RBFOX1: variants seen among roughly 807,000 people sequenced by gnomAD.
RBFOX1 encodes RNA binding fox-1 homolog 1, also known as RNA binding protein fox-1 homolog 1.
A neutral mutation model predicts 57.7 loss-of-function variants in RBFOX1; 8 were observed. The observed-to-expected ratio is 0.14, with a 90% CI of 0.08 to 0.25. The LOEUF (loss-of-function observed/expected upper bound fraction) is 0.25, where lower values mean the gene tolerates loss of function less well. RBFOX1 is among the 10% of genes least tolerant of loss of function. RBFOX1 has a pLI of 1.00. For missense variants in RBFOX1, 611 were observed against 548.5 expected (o/e 1.11, Z -1.14); for synonymous variants, 326 against 222.4 (o/e 1.47, Z -4.15).
intron 3 of RBFOX1, among the ~76,000 whole-genome samples, chr16:6,658,503 G>A (rs950580577): frequency 2.6e-5 from 4 of 152,022 alleles, no homozygotes; most frequent in Admixed American, 6.6e-5. Flanking sequence ...CACCACACCC[G>A]GCCGAGAGCC....
intron 1 of RBFOX1, among the ~76,000 whole-genome samples, chr16:5,292,401 AT>A (rs1450158211): frequency 5.9e-5 from 9 of 152,120 alleles, no homozygotes; most frequent in South Asian, 2.1e-4. Context: ...TTCATTGCTG[AT>A]TTTTTTCAGT....
chr16:6,330,457 G>A (rs1305454457), intron 2 of RBFOX1, among the ~76,000 whole-genome samples: 2 of 152,182 alleles, frequency 1.3e-5, no homozygotes, highest in East Asian at 3.9e-4. Context: ...GCTTTGAAAA[G>A]GGATATGGTG....
At chr16:6,295,239 T>C (rs1054743416) in intron 1 of RBFOX1, among the ~76,000 whole-genome samples, 3 of 151,856 alleles carry the variant, frequency 2.0e-5, no homozygotes, top group Admixed American at 1.3e-4. Flanking sequence ...TTGTCGTGCC[T>C]CAGCCTCCCA....
intron 6 of RBFOX1, among the ~76,000 whole-genome samples, chr16:7,585,353 C>T (rs2094047936): frequency 6.6e-6 from 1 of 152,162 alleles, no homozygotes; most frequent in Non-Finnish European, 1.5e-5. Flanking sequence ...AAGGAATATT[C>T]TCTTGACCAA....
At chr16:7,106,887 C>G (rs1260163110) in intron 4 of RBFOX1, among the ~76,000 whole-genome samples, 2 of 151,972 alleles carry the variant, frequency 1.3e-5, no homozygotes, top group Non-Finnish European at 1.5e-5. Context: ...TTATCATGCA[C>G]CAGACACTAT....
At chr16:6,720,693 C>G (rs1603459468) in intron 3 of RBFOX1, among the ~76,000 whole-genome samples, 1 of 152,052 alleles carries the variant, frequency 6.6e-6, no homozygotes, top group African/African-American at 2.4e-5. Flanking sequence ...GCTAGAGAGA[C>G]CAGGGTGGTG....
At chr16:7,196,444 C>G (rs112165151) in intron 4 of RBFOX1, among the ~76,000 whole-genome samples, 10 of 152,304 alleles carry the variant, frequency 6.6e-5, no homozygotes, top group African/African-American at 2.4e-4. Context: ...CAGACCATTG[C>G]CAACACTGAT....
chr16:6,238,628 C>G (rs1174992598), intron 1 of RBFOX1, among the ~76,000 whole-genome samples: 1 of 152,186 alleles, frequency 6.6e-6, no homozygotes, highest in African/African-American at 2.4e-5. Flanking sequence ...TAAAAACTAT[C>G]AAAATTTGGC....
rs569646698 is a variant in RBFOX1, at chr16:6,299,740, C to T, written c.-126-17255C>T. 1.3e-3 allele frequency among the ~76,000 whole-genome samples: 203 copies of T among 152,286 alleles called. 1 individual carries two copies. The highest frequency in any genetic ancestry group is 2.6e-3 in the Non-Finnish European group (177 of 68,022). Reference sequence around the variant, plus strand: ...CAGTGGCCAAAAGCGTGGACTCTGGCGTCTGCTGGGTCTCAGTTAAAGGCG... The same window carrying T: ...CAGTGGCCAAAAGCGTGGACTCTGGTGTCTGCTGGGTCTCAGTTAAAGGCG... On this transcript the variant is annotated intron_variant, in intron 1 of 15. Coordinates refer to ENST00000550418, the MANE Select transcript of RBFOX1 (RefSeq NM_018723.4).
At chr16:7,671,631 C>G (rs1158368642) in intron 13 of RBFOX1, 1 of 1,588,234 alleles carries the variant, frequency 6.3e-7, no homozygotes. Context: ...AGAAACTCAT[C>G]ACTATGATTG....
chr16:5,679,951 T>C (rs1405122507), intron 3 of RBFOX1, among the ~76,000 whole-genome samples: 2 of 152,230 alleles, frequency 1.3e-5, no homozygotes, highest in African/African-American at 4.8e-5. Flanking sequence ...TTGCTCTCTT[T>C]CACCTAGGAA....
intron 4 of RBFOX1, among the ~76,000 whole-genome samples, chr16:7,222,506 A>T (rs2092804113): frequency 6.6e-6 from 1 of 152,202 alleles, no homozygotes; most frequent in Non-Finnish European, 1.5e-5. Flanking sequence ...AACCTAATGC[A>T]TGTTAGCACT....
intron 4 of RBFOX1, among the ~76,000 whole-genome samples, chr16:7,505,585 A>G (rs2073007969): frequency 6.6e-6 from 1 of 152,246 alleles, no homozygotes; most frequent in African/African-American, 2.4e-5. Flanking sequence ...TAAAGAGTTG[A>G]GAAAAACAGC....
intron 2 of RBFOX1, among the ~76,000 whole-genome samples, chr16:6,513,762 C>G (rs1220357427): frequency 2.0e-5 from 3 of 150,918 alleles, no homozygotes; most frequent in Non-Finnish European, 4.4e-5. Context: ...CAAAAAAAAA[C>G]AAAGTCTGGA....
intron 3 of RBFOX1, among the ~76,000 whole-genome samples, chr16:5,699,592 T>G (rs922835708): frequency 2.0e-5 from 3 of 152,076 alleles, no homozygotes; most frequent in Admixed American, 6.5e-5. Flanking sequence ...TGCCTCCAGT[T>G]AAGAGACATT....
chr16:7,372,120 C>T (rs544296542), intron 4 of RBFOX1, among the ~76,000 whole-genome samples: 3 of 152,138 alleles, frequency 2.0e-5, no homozygotes, highest in Non-Finnish European at 2.9e-5. Flanking sequence ...AAGTTGGTGT[C>T]TCATAACTTC....
Position 6,719,895 on chromosome 16 carries a change from C to G in RBFOX1, c.-16+65245C>G, listed in dbSNP as rs201175018. 4.0e-5 allele frequency among the ~76,000 whole-genome samples: 6 copies of G among 151,800 alleles called. No homozygotes were observed. In the East Asian group the frequency reaches 5.9e-4, roughly 15 times the overall value. On this transcript the variant is annotated intron_variant, in intron 3 of 15. Coordinates refer to ENST00000550418, the MANE Select transcript of RBFOX1 (RefSeq NM_018723.4). ...ATCACCTGAGGTCAGGAGTTCGAGA[C>G]CAGCCTGGCCATCATGGTGAAAACC...
chr16:6,581,203 G>A (rs553547621), intron 2 of RBFOX1, among the ~76,000 whole-genome samples: 2 of 152,066 alleles, frequency 1.3e-5, no homozygotes, highest in Non-Finnish European at 2.9e-5. Context: ...CTTCAAGTAG[G>A]ATTTCTAAAG....
intron 2 of RBFOX1, among the ~76,000 whole-genome samples, chr16:6,586,379 G>T (rs944604233): frequency 3.9e-5 from 6 of 152,182 alleles, no homozygotes; most frequent in Non-Finnish European, 8.8e-5. Flanking sequence ...GGACCCAGTA[G>T]TAATCTATCT....
Sources: gnomAD v4.1 joint callset for allele counts (sites outside exome capture counted in the v4.1 genomes callset) on GRCh38, gnomAD v4.1.1 for gene constraint, MANE v1.5 for transcripts, NCBI Gene and HGNC (gene_info 2026-07-23, HGNC 2026-07-21) for gene names.